The following BICRAL variants were observed in gnomAD, a reference collection of about 807,000 sequenced individuals.
BICRAL encodes the protein BICRA like chromatin remodeling complex associated protein.
Under a neutral mutation model 91.8 loss-of-function variants are expected in BICRAL, and 8 were observed. That is an observed-to-expected ratio of 0.09 (90% CI 0.05 to 0.16). The LOEUF (loss-of-function observed/expected upper bound fraction) is 0.16, where lower values mean the gene tolerates loss of function less well. Among genes scored for constraint, BICRAL ranks in the 10% least tolerant of loss-of-function variants. The probability of loss-of-function intolerance (pLI) is 1.00; values close to 1 mark genes in which losing one functional copy is unlikely to be tolerated. For synonymous variants in BICRAL, 445 were observed against 491.1 expected, an observed-to-expected ratio of 0.91 and a Z score of 1.24; for missense variants, 1,038 against 1,310.9, an observed-to-expected ratio of 0.79 and a Z score of 3.21.
chr6:42,786,648 T>C (rs1170010054), intron 1 of BICRAL, among the ~76,000 whole-genome samples: 2 of 152,154 alleles, frequency 1.3e-5, no homozygotes, highest in African/African-American at 4.8e-5. Context: ...ATTAAGTGGC[T>C]GGTGGATCTA....
chr6:42,767,018 C>T (rs991310336), intron 1 of BICRAL, among the ~76,000 whole-genome samples: 8 of 142,206 alleles, frequency 5.6e-5, no homozygotes, highest in African/African-American at 1.8e-4. Context: ...CCAGCCTGGG[C>T]AACAGAGTGA....
intron 8 of BICRAL, among the ~76,000 whole-genome samples, chr6:42,855,342 A>G (rs1765316735): frequency 6.6e-6 from 1 of 152,210 alleles, no homozygotes; most frequent in Non-Finnish European, 1.5e-5. Flanking sequence ...GGAGTTCGAG[A>G]CAAGCCTGGA....
intron 5 of BICRAL, among the ~76,000 whole-genome samples, chr6:42,825,259 CAAAAA>C (rs398001338): frequency 1.9e-5 from 1 of 52,780 alleles, no homozygotes. Context: ...GACTCTGTCT[CAAAAA>C]AAAAAAAAAA....
At chr6:42,827,009 CT>C (rs1424788218) in intron 5 of BICRAL, among the ~76,000 whole-genome samples, 4 of 152,162 alleles carry the variant, frequency 2.6e-5, no homozygotes, top group Admixed American at 1.3e-4. Flanking sequence ...TGGTCTCAAA[CT>C]CCCAACCTCA....
In BICRAL at chr6:42,865,064, G is replaced by A. The variant is rs375000480; in HGVS notation, c.2858G>A (p.Ser953Asn). 6.8e-6 allele frequency: 11 copies of A among 1,614,104 alleles called. No individual in the cohort carries two copies. The highest frequency in any genetic ancestry group is 5.9e-6 in the Non-Finnish European group (7 of 1,180,030). ...TSSRSDHGTE[S>N]KLSSILADSH... ...TCCAGATCGGATCATGGTACTGAGA[G>A]CAAACTGTCAAGCATCCTAGCAGAT... is the stretch of plus-strand genomic sequence containing the variant. Residue 953 changes from serine (S) to asparagine (N), a missense_variant, in exon 13 of 13, where the codon AGC becomes AAC. Physicochemically the swap from Ser to Asn is conservative, Grantham distance 46. Coordinates refer to ENST00000314073, the MANE Select transcript of BICRAL (RefSeq NM_001393499.1).
At chr6:42,842,163 T>C (rs1378963746) in intron 6 of BICRAL, among the ~76,000 whole-genome samples, 1 of 152,162 alleles carries the variant, frequency 6.6e-6, no homozygotes, top group Non-Finnish European at 1.5e-5. Flanking sequence ...CTCACCCACA[T>C]AAATTCTGAC....
intron 1 of BICRAL, among the ~76,000 whole-genome samples, chr6:42,758,712 CAAA>C (rs71758339): frequency 1.8e-4 from 19 of 103,568 alleles, no homozygotes; most frequent in Middle Eastern, 5.4e-3. Flanking sequence ...TCGGGGGGTC[CAAA>C]AAAAAAAAAA....
At chr6:42,842,008 G>A (rs1459470639) in intron 6 of BICRAL, among the ~76,000 whole-genome samples, 1 of 152,186 alleles carries the variant, frequency 6.6e-6, no homozygotes, top group African/African-American at 2.4e-5. Context: ...TTCAGTCATA[G>A]GTACCACTCT....
chr6:42,828,891 T>C lies in BICRAL; in HGVS notation c.558T>C (p.His186=). The C allele has an allele frequency of 5.6e-6, 9 of 1,614,200 alleles. No individual in the cohort carries two copies. The highest frequency in any genetic ancestry group is 6.8e-6 in the Non-Finnish European group (8 of 1,180,004). The change falls in exon 6 of 13, where the codon CAT becomes CAC. Residue 186 remains histidine, a synonymous_variant. Coordinates refer to ENST00000314073, the MANE Select transcript of BICRAL (RefSeq NM_001393499.1). The part of the protein sequence containing the change: ...SFASNTVGVQ[H]GFMQHVGISV... ...CAAGCAATACAGTGGGTGTACAACA[T>C]GGCTTTATGCAACATGTGGGGATCA...
chr6:42,756,509 C>T (rs923455188), intron 1 of BICRAL, among the ~76,000 whole-genome samples: 4 of 152,182 alleles, frequency 2.6e-5, no homozygotes, highest in Non-Finnish European at 4.4e-5. Flanking sequence ...GCTCCTCCCT[C>T]TGCCTCTCTC....
chr6:42,836,696 A>G (rs955076954), intron 6 of BICRAL, among the ~76,000 whole-genome samples: 1 of 140,676 alleles, frequency 7.1e-6, no homozygotes, highest in Non-Finnish European at 1.5e-5. Flanking sequence ...ATCTCAGCTC[A>G]CTGCAACCTC....
intron 8 of BICRAL, 107 bp downstream of exon 8, chr6:42,853,845 C>A: frequency 1.3e-6 from 1 of 788,332 alleles, no homozygotes; most frequent in Non-Finnish European, 2.2e-6. Context: ...CACAGTCCAC[C>A]CAGTCCCCTG....
intron 1 of BICRAL, among the ~76,000 whole-genome samples, chr6:42,790,353 T>G (rs1481786875): frequency 7.1e-6 from 1 of 141,680 alleles, no homozygotes; most frequent in Non-Finnish European, 1.6e-5. Flanking sequence ...TTTTTTTTTT[T>G]TTGTAGAGAC....
At chr6:42,850,657 G>A (rs564055761) in intron 6 of BICRAL, among the ~76,000 whole-genome samples, 3 of 152,086 alleles carry the variant, frequency 2.0e-5, no homozygotes, top group South Asian at 2.1e-4. Context: ...AGGCTGAGGC[G>A]GGCGGATAAC....
rs766969958 is a variant in BICRAL, at chr6:42,829,683, C to T, written c.1350C>T (p.Asn450=). ...TCATGTTGAACAGAAACTCTTCCAA[C>T]ATGCTCAGGACCAACCAACCATATA... ...EHVMLNRNSS[N]MLRTNQPYTG... is the part of the protein sequence containing the mutation. Residue 450 remains asparagine (N), a synonymous_variant, in exon 6 of 13, where the codon AAC becomes AAT. Transcript: ENST00000314073. 3.7e-6 allele frequency: 6 copies of T among 1,614,084 alleles called. No homozygotes were observed. The African/African-American group carries it at 5.3e-5, about 14-fold the overall frequency.
chr6:42,836,084 G>T (rs1764630367), intron 6 of BICRAL, among the ~76,000 whole-genome samples: 1 of 152,142 alleles, frequency 6.6e-6, no homozygotes. Flanking sequence ...TTCCCCCAGA[G>T]CTATCCTCTG....
At chr6:42,840,223 G>T (rs1007665374) in intron 6 of BICRAL, among the ~76,000 whole-genome samples, 1 of 38,002 alleles carries the variant, frequency 2.6e-5, no homozygotes. Flanking sequence ...GTTCTTTTTT[G>T]TTTGTTTGTT....
chr6:42,813,307 C>T (rs1420060783), intron 2 of BICRAL, among the ~76,000 whole-genome samples: 1 of 151,766 alleles, frequency 6.6e-6, no homozygotes, highest in Admixed American at 6.6e-5. Context: ...TGCTTAAAAC[C>T]AGTGGTAAAG....
At chr6:42,780,279 C>T (rs936156942), upstream of BICRAL, among the ~76,000 whole-genome samples, 1 of 152,032 alleles carries the variant, frequency 6.6e-6, no homozygotes, top group Non-Finnish European at 1.5e-5. Flanking sequence ...CAACATAGTC[C>T]AGTTACAGTA....
Sources: allele counts gnomAD v4.1 joint callset (sites outside exome capture counted in the v4.1 genomes callset), GRCh38; gene constraint gnomAD v4.1.1; transcripts MANE v1.5; gene names NCBI Gene and HGNC (gene_info 2026-07-23, HGNC 2026-07-21).